The following SCARA3 variants were observed in gnomAD, a reference collection of about 807,000 sequenced individuals.
The protein encoded by SCARA3 is cellular stress response gene protein.
In SCARA3, 39 loss-of-function variants were observed where a neutral mutation model predicts 47.0. That is an observed-to-expected ratio of 0.83 (90% CI 0.64 to 1.08). The LOEUF (loss-of-function observed/expected upper bound fraction) is 1.08. Ranked by LOEUF, SCARA3 falls within the 50% of genes least tolerant of loss-of-function variation. SCARA3 has a pLI of 0.00. For synonymous variants in SCARA3, 356 were observed against 334.1 expected (o/e 1.07, Z -0.71); for missense variants, 724 against 792.3 (o/e 0.91, Z 1.04).
chr8:27,697,560 C>T, the SCARA3 span: 1 of 152,226 alleles, frequency 6.6e-6, no homozygotes, highest in Non-Finnish European at 1.5e-5. Context: ...ACCAGACCTG[C>T]CTTGGGCAGT....
chr8:27,722,396 GCTAC>G, the SCARA3 span, among the ~76,000 whole-genome samples: 5 of 152,024 alleles, frequency 3.3e-5, no homozygotes, highest in African/African-American at 4.8e-5. Context: ...CATGTTCACA[GCTAC>G]TCTGGGCTTC....
At chr8:27,669,557 C>T (rs1009213037) in intron 5 of SCARA3, among the ~76,000 whole-genome samples, 1 of 152,258 alleles carries the variant, frequency 6.6e-6, no homozygotes, top group Non-Finnish European at 1.5e-5. Flanking sequence ...AGGCTGCTGC[C>T]ACTGCTGCTG....
chr8:27,644,579 A>G (rs541001507), intron 1 of SCARA3, among the ~76,000 whole-genome samples: 1 of 152,166 alleles, frequency 6.6e-6, no homozygotes, highest in South Asian at 2.1e-4. Context: ...CTCCTGCCAA[A>G]ATAACCTTGC....
chr8:27,669,876 C>G (rs576415), intron 5 of SCARA3, among the ~76,000 whole-genome samples: 1 of 152,118 alleles, frequency 6.6e-6, no homozygotes, highest in Non-Finnish European at 1.5e-5. Context: ...GGGCCTGTGC[C>G]GCAGAACTGG....
downstream of SCARA3, among the ~76,000 whole-genome samples, chr8:27,673,806 C>T (rs1802219347): frequency 6.6e-6 from 1 of 152,176 alleles, no homozygotes; most frequent in African/African-American, 2.4e-5. Context: ...CTCTGTGCTC[C>T]TCTGCAGGTG....
At chr8:27,681,727 ATAAAG>A (rs1422246056), downstream of SCARA3, among the ~76,000 whole-genome samples, 6 of 152,236 alleles carry the variant, frequency 3.9e-5, no homozygotes, top group African/African-American at 1.4e-4. Flanking sequence ...GTCTTAAAAA[ATAAAG>A]TAAACAAATC....
chr8:27,669,347 C>T (rs1335074742), intron 5 of SCARA3, among the ~76,000 whole-genome samples: 2 of 152,258 alleles, frequency 1.3e-5, no homozygotes, highest in East Asian at 3.9e-4. Context: ...CTTTTCCAAA[C>T]CGCAGCTGGC....
chr8:27,711,171 C>T, the SCARA3 span, among the ~76,000 whole-genome samples: 2 of 152,128 alleles, frequency 1.3e-5, no homozygotes, highest in African/African-American at 2.4e-5. Context: ...ATCTGCCCAC[C>T]GCAGCCTCCC....
chr8:27,663,711 A>G (rs752359614), intron 5 of SCARA3, among the ~76,000 whole-genome samples: 4 of 151,940 alleles, frequency 2.6e-5, no homozygotes, highest in African/African-American at 7.3e-5. Flanking sequence ...ATCCTAAGGG[A>G]TTGTACTGAT....
intron 5 of SCARA3, among the ~76,000 whole-genome samples, chr8:27,660,833 GCT>G (rs767158819): frequency 0.047 from 2,440 of 52,434 alleles, 27 homozygotes; most frequent in South Asian, 0.17. Context: ...ATAGAAGATA[GCT>G]AGCTAGCTAG....
chr8:27,646,080 C>A (rs181036966), intron 1 of SCARA3, among the ~76,000 whole-genome samples: 14 of 152,212 alleles, frequency 9.2e-5, no homozygotes, highest in Admixed American at 5.2e-4. Context: ...AGTCAGGGGT[C>A]CCCACAGTCC....
At chr8:27,721,848 G>A in the SCARA3 span, among the ~76,000 whole-genome samples, 3 of 152,266 alleles carry the variant, frequency 2.0e-5, no homozygotes, top group Middle Eastern at 3.4e-3. Flanking sequence ...AAGGCAGGTG[G>A]ATCACTTGGC....
chr8:27,655,266 G>A (rs1052707497), intron 3 of SCARA3, among the ~76,000 whole-genome samples: 5 of 152,034 alleles, frequency 3.3e-5, no homozygotes, highest in Non-Finnish European at 1.5e-5. Context: ...CCCAACAAAT[G>A]TGATGTAAAC....
chr8:27,694,400 C>G, the SCARA3 span, among the ~76,000 whole-genome samples: 1 of 150,250 alleles, frequency 6.7e-6, no homozygotes, highest in African/African-American at 2.4e-5. Flanking sequence ...CAGGAACACC[C>G]GCCATGTGCT....
At chr8:27,717,296 A>G in the SCARA3 span, among the ~76,000 whole-genome samples, 2 of 152,150 alleles carry the variant, frequency 1.3e-5, no homozygotes, top group Non-Finnish European at 2.9e-5. Context: ...GGGTATAGCT[A>G]TAGATGTGGG....
the SCARA3 span, among the ~76,000 whole-genome samples, chr8:27,693,396 G>T: frequency 6.6e-6 from 1 of 152,192 alleles, no homozygotes; most frequent in African/African-American, 2.4e-5. Flanking sequence ...ATTTTACAGG[G>T]TTTAAAATTC....
the SCARA3 span, among the ~76,000 whole-genome samples, chr8:27,724,451 C>T: frequency 1.3e-5 from 2 of 152,058 alleles, no homozygotes; most frequent in African/African-American, 4.8e-5. Flanking sequence ...ATCACAAGGT[C>T]GGGAGTTCGA....
intron 5 of SCARA3, among the ~76,000 whole-genome samples, chr8:27,660,641 T>TAGATAGAC (rs1373515811): frequency 6.8e-6 from 1 of 147,452 alleles, no homozygotes; most frequent in African/African-American, 2.5e-5. Flanking sequence ...GATAGATAGA[T>TAGATAGAC]AGATAGATAG....
At chr8:27,653,722 A>AT (rs1409825620) in intron 3 of SCARA3, among the ~76,000 whole-genome samples, 3 of 152,046 alleles carry the variant, frequency 2.0e-5, no homozygotes, top group Admixed American at 6.5e-5. Context: ...ATTCATTTTA[A>AT]TCAAGTTTTT....
Sources: gnomAD v4.1 joint callset for allele counts (sites outside exome capture counted in the v4.1 genomes callset) on GRCh38, gnomAD v4.1.1 for gene constraint, MANE v1.5 for transcripts, NCBI Gene and HGNC (gene_info 2026-07-23, HGNC 2026-07-21) for gene names.